Variants in NAMPT observed in about 807,000 individuals in gnomAD.
The protein encoded by NAMPT is nicotinamide phosphoribosyltransferase.
Under a neutral mutation model 58.7 loss-of-function variants are expected in NAMPT, and 7 were observed. The observed-to-expected ratio is 0.12, with a 90% CI of 0.07 to 0.22. The LOEUF (loss-of-function observed/expected upper bound fraction) is 0.22. NAMPT is among the 10% of genes least tolerant of loss of function. The probability of loss-of-function intolerance (pLI) is 1.00; values close to 1 mark genes in which losing one functional copy is unlikely to be tolerated. For missense variants in NAMPT, 271 were observed against 567.9 expected, an observed-to-expected ratio of 0.48 and a Z score of 5.31; for synonymous variants, 145 against 198.1, an observed-to-expected ratio of 0.73 and a Z score of 2.25.
At chr7:106,270,339 CA>C in intron 4 of NAMPT, 5 of 344,080 alleles carry the variant, frequency 1.5e-5, no homozygotes, top group Admixed American at 3.6e-5. Flanking sequence ...TGTGCTGAAC[CA>C]AAAAGATATT....
intron 4 of NAMPT, among the ~76,000 whole-genome samples, chr7:106,270,514 CTT>C (rs1268770675): frequency 6.6e-6 from 1 of 152,190 alleles, no homozygotes; most frequent in African/African-American, 2.4e-5. Flanking sequence ...CTTTGCAGCT[CTT>C]CTCATCAAGA....
At chr7:106,274,413 C>T (rs780211623) in intron 3 of NAMPT, among the ~76,000 whole-genome samples, 6 of 151,744 alleles carry the variant, frequency 4.0e-5, no homozygotes, top group Non-Finnish European at 7.4e-5. Flanking sequence ...ATGGGGGATG[C>T]GGGGAGAGGG....
intron 4 of NAMPT, 24 bp from the exon 5 acceptor site, chr7:106,269,336 A>G: frequency 6.2e-7 from 1 of 1,602,834 alleles, no homozygotes. Flanking sequence ...ATTAACCACA[A>G]ATATTAAGAC....
chr7:106,270,220 C>T (rs6947766), intron 4 of NAMPT: 76,988 of 335,682 alleles, frequency 0.23, 10,094 homozygotes, highest in East Asian at 0.49. Flanking sequence ...TAGAAATTCA[C>T]TTCTTCATTC....
chr7:106,282,845 G>T (rs1471227141), intron 1 of NAMPT, among the ~76,000 whole-genome samples: 1 of 152,176 alleles, frequency 6.6e-6, no homozygotes, highest in African/African-American at 2.4e-5. Context: ...CCAATAGTTT[G>T]TAAGCACTGA....
At chr7:106,285,258 C>G, upstream of NAMPT, 1 of 860,756 alleles carries the variant, frequency 1.2e-6, no homozygotes, top group Non-Finnish European at 1.4e-6. Context: ...TCCTCCCAGA[C>G]GCCAGCTCTG....
intron 8 of NAMPT, among the ~76,000 whole-genome samples, chr7:106,259,878 C>G (rs867249047): frequency 7.5e-6 from 1 of 132,834 alleles, no homozygotes. Context: ...TCGAAACAAT[C>G]TTTTTTTTTT....
Position 106,248,347 on chromosome 7 carries a change from T to C in NAMPT, c.*2736A>G, listed in dbSNP as rs1792051601. On this transcript the variant is annotated 3_prime_UTR_variant, in exon 11 of 11. Coordinates refer to ENST00000222553, the MANE Select transcript of NAMPT (RefSeq NM_005746.3). ...TGTTTATTACATGTTTATAACTTGA[T>C]GTTGAGTACATATTAGAATAGACTT... 6.6e-6 allele frequency: 1 copy of C among 152,560 alleles called. No homozygotes were observed. The highest frequency in any genetic ancestry group is 2.4e-5 in the African/African-American group (1 of 41,438). 9.5% of individuals were successfully genotyped at this position (152,560 alleles called of 1,614,324 possible). A position where few individuals can be genotyped will look rare whatever the true frequency, so the allele number is the denominator to read the frequency against.
In NAMPT at chr7:106,267,868, A is replaced by AC. The variant is rs1562815969; in HGVS notation, c.743+595_743+596insG. Among the ~76,000 whole-genome samples the AC allele has an allele frequency of 4.0e-4, 56 of 141,116 alleles. 1 individual carries two copies. The highest frequency in any genetic ancestry group is 1.2e-3 in the African/African-American group (46 of 38,818). The allele number at this position is 141,116 out of a possible 152,430, so 92.6% of individuals were successfully genotyped here. ...AAAAAAAAAAAAAAAAAAAAAAAAA[A>AC]AAAAAAAACAACCTGATTTACTTTT... On this transcript the variant is annotated intron_variant, in intron 6 of 10. Transcript: ENST00000222553.
At chr7:106,259,890 T>G (rs571326244) in intron 8 of NAMPT, among the ~76,000 whole-genome samples, 1 of 150,710 alleles carries the variant, frequency 6.6e-6, no homozygotes, top group Admixed American at 6.6e-5. Flanking sequence ...TTTTTTTTTT[T>G]TTTTTTCCTG....
chr7:106,262,748 T>C (rs935492861), intron 7 of NAMPT, among the ~76,000 whole-genome samples: 4 of 152,158 alleles, frequency 2.6e-5, no homozygotes, highest in African/African-American at 9.6e-5. Context: ...TCTGTTTTTT[T>C]CTTCTATAAC....
In NAMPT at chr7:106,274,929, A is replaced by T. The variant is rs774837730; in HGVS notation, c.318+17T>A. ...AAGAAAAACCAAAACAGATCAAAAG[A>T]TGAAACCATCTTTTACCTCAAGAAT... On this transcript the variant is annotated intron_variant, in intron 3 of 10. Transcript: ENST00000222553. 6.6e-7 allele frequency: 1 copy of T among 1,517,600 alleles called. No homozygotes were observed. Among genetic ancestry groups the T allele is most frequent in the Admixed American group, 1.8e-5 (1 of 55,062 alleles). 94.0% of individuals were successfully genotyped at this position (1,517,600 alleles called of 1,614,324 possible).
chr7:106,280,324 T>C (rs1036974905), intron 1 of NAMPT, among the ~76,000 whole-genome samples: 1 of 152,048 alleles, frequency 6.6e-6, no homozygotes, highest in Non-Finnish European at 1.5e-5. Context: ...TTAATAAGAG[T>C]GCCATTTATA....
chr7:106,281,619 C>G (rs1197972869), intron 1 of NAMPT, among the ~76,000 whole-genome samples: 1 of 152,164 alleles, frequency 6.6e-6, no homozygotes, highest in Non-Finnish European at 1.5e-5. Context: ...CTAGAAACAG[C>G]AAAAACCATA....
upstream of NAMPT, chr7:106,285,360 G>T: frequency 2.3e-6 from 1 of 437,738 alleles, no homozygotes; most frequent in Non-Finnish European, 3.1e-6. Context: ...GGCGGGGCCT[G>T]GAGGGGGCGT....
intron 1 of NAMPT, 90 bp downstream of exon 1, chr7:106,284,738 A>AACCCCCCCCC: frequency 3.1e-5 from 15 of 485,998 alleles, no homozygotes; most frequent in Middle Eastern, 8.2e-4. Context: ...CCCAGCCCCA[A>AACCCCCCCCC]CCCCAGCCCC....
chr7:106,277,719 A>G (rs1792678358), intron 1 of NAMPT, among the ~76,000 whole-genome samples: 1 of 152,178 alleles, frequency 6.6e-6, no homozygotes. Context: ...AGCAAAGTAA[A>G]AAAAAATCCT....
intron 8 of NAMPT, among the ~76,000 whole-genome samples, chr7:106,258,929 T>C (rs1792256511): frequency 6.6e-6 from 1 of 152,186 alleles, no homozygotes; most frequent in South Asian, 2.1e-4. Flanking sequence ...TCACGAAAGA[T>C]TTATCTGTAG....
chr7:106,275,629 A>C (rs1006089241), intron 2 of NAMPT: 9 of 152,270 alleles, frequency 5.9e-5, no homozygotes, highest in African/African-American at 2.2e-4. Flanking sequence ...AATACATTTT[A>C]GTTATAATTA....
Sources: allele counts gnomAD v4.1 joint callset (sites outside exome capture counted in the v4.1 genomes callset), GRCh38; gene constraint gnomAD v4.1.1; transcripts MANE v1.5; gene names NCBI Gene and HGNC (gene_info 2026-07-23, HGNC 2026-07-21).